SPIDR: variants seen among roughly 807,000 people sequenced by gnomAD.
The protein encoded by SPIDR is DNA repair-scaffolding protein.
A neutral mutation model predicts 104.6 loss-of-function variants in SPIDR; 93 were observed. The observed-to-expected ratio is 0.89, with a 90% CI of 0.75 to 1.06. The LOEUF (loss-of-function observed/expected upper bound fraction) is 1.06. Ranked by LOEUF, SPIDR falls within the 50% of genes least tolerant of loss-of-function variation. SPIDR has a pLI of 0.00. For missense variants in SPIDR, 1,154 were observed against 1,111.2 expected (o/e 1.04, Z -0.55); for synonymous variants, 431 against 416.9 (o/e 1.03, Z -0.41).
chr8:47,459,375 T>C (rs973492909), intron 8 of SPIDR, among the ~76,000 whole-genome samples: 2 of 152,110 alleles, frequency 1.3e-5, no homozygotes, highest in Admixed American at 6.6e-5. Flanking sequence ...CCTGTATCTT[T>C]CCAGGAATTT....
At chr8:47,518,516 C>T (rs183249873) in intron 8 of SPIDR, among the ~76,000 whole-genome samples, 97 of 152,148 alleles carry the variant, frequency 6.4e-4, no homozygotes, top group African/African-American at 2.0e-3. Context: ...TGTGTCTAGA[C>T]GCTGTGCTGA....
intron 7 of SPIDR, among the ~76,000 whole-genome samples, chr8:47,421,253 G>C (rs1184601257): frequency 3.3e-5 from 5 of 152,218 alleles, no homozygotes; most frequent in African/African-American, 7.2e-5. Flanking sequence ...ACACCAATCA[G>C]ACGTAGATTT....
intron 11 of SPIDR, among the ~76,000 whole-genome samples, chr8:47,696,305 A>G (rs1237785146): frequency 6.6e-6 from 1 of 152,230 alleles, no homozygotes; most frequent in African/African-American, 2.4e-5. Context: ...ATATGTTACC[A>G]ACAACAAAAT....
At chr8:47,427,902 G>C (rs1206076762) in intron 7 of SPIDR, among the ~76,000 whole-genome samples, 2 of 152,032 alleles carry the variant, frequency 1.3e-5, no homozygotes, top group Non-Finnish European at 2.9e-5. Context: ...TGAAAGTTGG[G>C]GTCGGCGATT....
intron 10 of SPIDR, among the ~76,000 whole-genome samples, chr8:47,664,829 G>A (rs140203664): frequency 0.012 from 1,753 of 150,902 alleles, 19 homozygotes; most frequent in Non-Finnish European, 0.019. Context: ...CTGGGAGATC[G>A]AGGCTGCAGT....
In SPIDR at chr8:47,626,425, A is replaced by G. The variant is rs537287353; in HGVS notation, c.1544+27229A>G. ...AACTAAAGAGCTTCTGCACAGCAAA[A>G]GAAACTACCATCAGAGTGAACAGGC... is the stretch of plus-strand genomic sequence containing the variant. On this transcript the variant is annotated intron_variant, in intron 10 of 19. Transcript: ENST00000297423. Among the ~76,000 whole-genome samples, 10 of 152,352 alleles carry G rather than the reference A, an allele frequency of 6.6e-5. No individual in the cohort carries two copies. The East Asian group carries it at 1.5e-3, about 24-fold the overall frequency.
intron 8 of SPIDR, among the ~76,000 whole-genome samples, chr8:47,530,007 T>C (rs1261890082): frequency 6.6e-6 from 1 of 152,220 alleles, no homozygotes; most frequent in Non-Finnish European, 1.5e-5. Flanking sequence ...TTAGGTGATT[T>C]CATCATTATG....
intron 10 of SPIDR, 199 bp from the exon 11 acceptor site, chr8:47,673,602 T>C (rs1319818071): frequency 1.5e-6 from 1 of 675,326 alleles, no homozygotes; most frequent in South Asian, 1.7e-5. Flanking sequence ...GTTTTTTTAA[T>C]CCTGACTCAC....
At chr8:47,708,030 T>A (rs2154486396) in intron 14 of SPIDR, among the ~76,000 whole-genome samples, 1 of 152,380 alleles carries the variant, frequency 6.6e-6, no homozygotes, top group Non-Finnish European at 1.5e-5. Context: ...CCGGACACGG[T>A]GGCTTACGCC....
At chr8:47,436,839 A>G (rs1021161423) in intron 7 of SPIDR, among the ~76,000 whole-genome samples, 11 of 152,230 alleles carry the variant, frequency 7.2e-5, no homozygotes, top group African/African-American at 2.6e-4. Context: ...CTGGGAAGGA[A>G]GGCCCTGGAG....
In SPIDR at chr8:47,329,231, C is replaced by T. The variant is rs566600264; in HGVS notation, c.525+35201C>T. Among the ~76,000 whole-genome samples the T allele has an allele frequency of 1.1e-4, 16 of 152,176 alleles. No individual in the cohort carries two copies. The South Asian group carries it at 1.7e-3, about 16-fold the overall frequency. ...GACTACAGGCACCCGCCACCACGCCCGGCTGATTTTTTTGTATTTTTAGTA... is the reference window on the plus strand; with the variant it reads ...GACTACAGGCACCCGCCACCACGCCTGGCTGATTTTTTTGTATTTTTAGTA... On this transcript the variant is annotated intron_variant, in intron 5 of 19. Coordinates refer to ENST00000297423, the MANE Select transcript of SPIDR (RefSeq NM_001080394.4).
At chr8:47,427,143 A>G (rs1333320220) in intron 7 of SPIDR, among the ~76,000 whole-genome samples, 3 of 152,064 alleles carry the variant, frequency 2.0e-5, no homozygotes, top group Non-Finnish European at 4.4e-5. Flanking sequence ...AATACTCAGG[A>G]TAACACTCCT....
intron 17 of SPIDR, 192 bp from the exon 18 acceptor site, chr8:47,728,741 C>T (rs1334072306): frequency 3.5e-6 from 2 of 566,194 alleles, no homozygotes; most frequent in Non-Finnish European, 6.0e-6. Flanking sequence ...TCGTGCTACT[C>T]GAAGCTAATG....
At chr8:47,499,796 AC>A (rs1279223645) in intron 8 of SPIDR, among the ~76,000 whole-genome samples, 3 of 145,872 alleles carry the variant, frequency 2.1e-5, no homozygotes, top group African/African-American at 7.6e-5. Flanking sequence ...CCCTGCCCCC[AC>A]CCCACCCACA....
At chr8:47,321,707 G>T (rs202111658) in intron 5 of SPIDR, among the ~76,000 whole-genome samples, 1 of 152,090 alleles carries the variant, frequency 6.6e-6, no homozygotes, top group Non-Finnish European at 1.5e-5. Context: ...CTACAAGGCT[G>T]CAGTAACCAA....
At chr8:47,286,617 TA>T (rs2154232281) in intron 3 of SPIDR, among the ~76,000 whole-genome samples, 1 of 152,100 alleles carries the variant, frequency 6.6e-6, no homozygotes, top group South Asian at 2.1e-4. Flanking sequence ...ACACAAAATT[TA>T]AAATTCAGAA....
chr8:47,591,808 G>A (rs747835385), intron 8 of SPIDR, among the ~76,000 whole-genome samples: 5 of 151,188 alleles, frequency 3.3e-5, no homozygotes, highest in East Asian at 3.9e-4. Context: ...AGAAAAACAC[G>A]CACATCCCTG....
rs1023283085 is a variant in SPIDR, at chr8:47,547,294, C to T, written c.1098-48517C>T. ...GCAACCCTTGGTGTCATAGATGAGA[C>T]GAAAATTCTCTCCCATCTAGTCAAT... On this transcript the variant is annotated intron_variant, in intron 8 of 19. Transcript: ENST00000297423. The T allele has an allele frequency of 1.1e-4, 62 of 574,690 alleles. 2 individuals are homozygous for T. The highest frequency in any genetic ancestry group is 7.8e-4 in the South Asian group (54 of 69,114). 35.6% of individuals were successfully genotyped at this position (574,690 alleles called of 1,614,324 possible).
intron 8 of SPIDR, among the ~76,000 whole-genome samples, chr8:47,440,902 T>C (rs2069303208): frequency 6.6e-6 from 1 of 152,210 alleles, no homozygotes; most frequent in African/African-American, 2.4e-5. Flanking sequence ...TAATTAAATA[T>C]TTCTTAGTCA....
Sources: allele counts gnomAD v4.1 joint callset (sites outside exome capture counted in the v4.1 genomes callset), GRCh38; gene constraint gnomAD v4.1.1; transcripts MANE v1.5; gene names NCBI Gene and HGNC (gene_info 2026-07-23, HGNC 2026-07-21).